CNOT9: variants seen among roughly 807,000 people sequenced by gnomAD.
CNOT9 encodes CCR4-NOT transcription complex subunit 9.
In CNOT9, 8 loss-of-function variants were observed where a neutral mutation model predicts 37.4. That is an observed-to-expected ratio of 0.21 (90% CI 0.13 to 0.39). The LOEUF (loss-of-function observed/expected upper bound fraction) is 0.39, where lower values mean the gene tolerates loss of function less well. Among genes scored for constraint, CNOT9 ranks in the 10% least tolerant of loss-of-function variants. The pLI is 1.00. For synonymous variants in CNOT9, 120 were observed against 137.6 expected, an observed-to-expected ratio of 0.87 and a Z score of 0.90; for missense variants, 154 against 365.3, an observed-to-expected ratio of 0.42 and a Z score of 4.71.
At chr2:218,588,302 T>C (rs1374181187) in intron 5 of CNOT9, among the ~76,000 whole-genome samples, 1 of 151,112 alleles carries the variant, frequency 6.6e-6, no homozygotes, top group Non-Finnish European at 1.5e-5. Context: ...TTTTTTTTTT[T>C]CTCTGAGATG....
In CNOT9 at chr2:218,568,967, G is replaced by C. The variant is rs781199533; in HGVS notation, c.13G>C (p.Ala5Pro). The C allele has an allele frequency of 1.2e-6, 2 of 1,611,180 alleles. No individual in the cohort carries two copies. Among genetic ancestry groups the C allele is most frequent in the South Asian group, 2.2e-5 (2 of 90,740 alleles). MHSL[A>P]TAAPVPTTLA... ...GGCCGCTCACAACATGCACAGCCTG[G>C]CGACGGCTGCGGTGAGTGGCTGGGC... Residue 5 changes from alanine (A) to proline (P), a missense_variant, in exon 1 of 8, where the codon GCG becomes CCG. Ala to Pro is a conservative substitution (Grantham distance 27, BLOSUM62 -1). Around this residue, in one of 2 missense-constraint regions of CNOT9, gnomAD observed 37 missense variants for 39.9 expected, o/e 0.93. Coordinates refer to ENST00000273064, the MANE Select transcript of CNOT9 (RefSeq NM_005444.3).
rs946455476 is a variant in CNOT9 at position 218,596,459 on chromosome 2, T to C, written c.*2183T>C. On this transcript the variant is annotated 3_prime_UTR_variant, in exon 8 of 8. Transcript: ENST00000273064. ...TTTTCCTTTACACTGGAGATTTTATTCTATCAGTATATGGGTAACTAGGCA... is the reference window on the plus strand; with the variant it reads ...TTTTCCTTTACACTGGAGATTTTATCCTATCAGTATATGGGTAACTAGGCA... 4.6e-5 allele frequency: 7 copies of C among 152,212 alleles called. No individual in the cohort carries two copies. Among genetic ancestry groups the C allele is most frequent in the African/African-American group, 1.7e-4 (7 of 41,436 alleles). 9.4% of individuals were successfully genotyped at this position (152,212 alleles called of 1,614,324 possible). A position where few individuals can be genotyped will look rare whatever the true frequency, so the allele number is the denominator to read the frequency against.
At chr2:218,573,249 C>T (rs750915281) in intron 1 of CNOT9, among the ~76,000 whole-genome samples, 4 of 149,048 alleles carry the variant, frequency 2.7e-5, no homozygotes, top group Admixed American at 1.4e-4. Context: ...ACCTGGGAGG[C>T]GCAGGTTATA....
At chr2:218,574,280 G>A (rs532928509) in intron 1 of CNOT9, 36 of 180,614 alleles carry the variant, frequency 2.0e-4, no homozygotes, top group Admixed American at 9.8e-4. Flanking sequence ...ACTTTAGCAG[G>A]TTACAATTAA....
At chr2:218,593,485 G>A (rs1255812149) in intron 7 of CNOT9, 3 of 1,246,058 alleles carry the variant, frequency 2.4e-6, no homozygotes, top group Admixed American at 5.4e-5. Context: ...CTATAACTTT[G>A]TTTAAAATAG....
At chr2:218,570,694 T>A (rs1418732622) in intron 1 of CNOT9, among the ~76,000 whole-genome samples, 1 of 152,236 alleles carries the variant, frequency 6.6e-6, no homozygotes. Flanking sequence ...TTATCTTCGA[T>A]ACTGAGCCAC....
At chr2:218,569,286 T>G (rs1338899175) in intron 1 of CNOT9, among the ~76,000 whole-genome samples, 1 of 152,222 alleles carries the variant, frequency 6.6e-6, no homozygotes, top group South Asian at 2.1e-4. Context: ...GGGCGCCAGT[T>G]GTGTTCTGGG....
intron 5 of CNOT9, among the ~76,000 whole-genome samples, chr2:218,588,324 T>C (rs1694657616): frequency 6.6e-6 from 1 of 151,566 alleles, no homozygotes; most frequent in South Asian, 2.1e-4. Context: ...AGTCTTGCTG[T>C]GTCACCCAGG....
At chr2:218,589,214 A>G (rs1333627630) in intron 5 of CNOT9, 3 of 152,106 alleles carry the variant, frequency 2.0e-5, no homozygotes, top group Admixed American at 6.6e-5. Context: ...TTTTAAATAT[A>G]TATATATGGA....
chr2:218,574,052 C>A, intron 1 of CNOT9: 1 of 431,306 alleles, frequency 2.3e-6, no homozygotes, highest in African/African-American at 2.0e-5. Flanking sequence ...TCACCGCAAC[C>A]TCGACCTTCT....
intron 4 of CNOT9, 42 bp from the exon 5 acceptor site, chr2:218,587,544 C>T (rs906167531): frequency 1.3e-6 from 2 of 1,519,426 alleles, no homozygotes; most frequent in South Asian, 1.3e-5. Flanking sequence ...TAACTGGAAA[C>T]CCTAACTGTA....
chr2:218,593,628 C>T, intron 7 of CNOT9: 1 of 1,423,262 alleles, frequency 7.0e-7, no homozygotes, highest in Non-Finnish European at 9.3e-7. Context: ...TTTCACTGCT[C>T]ATCTCTTATT....
chr2:218,585,070 CTCTCT>C (rs554142256), intron 4 of CNOT9, among the ~76,000 whole-genome samples: 9 of 152,106 alleles, frequency 5.9e-5, no homozygotes, highest in East Asian at 5.8e-4. Flanking sequence ...CTCTTCCCTT[CTCTCT>C]TCTCTTCTCT....
chr2:218,574,307 A>G (rs1396809229), intron 1 of CNOT9: 1 of 162,590 alleles, frequency 6.2e-6, no homozygotes, highest in East Asian at 1.9e-4. Flanking sequence ...ACGGTAATGT[A>G]CTATAGAGCT....
Position 218,592,730 on chromosome 2 carries a change from G to A in CNOT9, c.731+23G>A. 1 of 1,573,514 alleles carries A rather than the reference G, an allele frequency of 6.4e-7. No individual in the cohort carries two copies. Among genetic ancestry groups the A allele is most frequent in the Non-Finnish European group, 8.7e-7 (1 of 1,142,956 alleles). On this transcript the variant is annotated intron_variant, in intron 7 of 7. Coordinates refer to ENST00000273064, the MANE Select transcript of CNOT9 (RefSeq NM_005444.3). The surrounding 1 kb of genome is among the most constrained non-coding windows in gnomAD (Gnocchi z 4.1). ...CAGGTAAACATTTATAGGATGTATA[G>A]GACTTTAGGGAAATACTCTGCTGAA...
Position 218,584,597 on chromosome 2 carries a change from ATTG to A in CNOT9, c.321-12_321-10del. 6.3e-7 allele frequency: 1 copy of A among 1,585,234 alleles called. No homozygotes were observed. The highest frequency in any genetic ancestry group is 8.7e-7 in the Non-Finnish European group (1 of 1,153,710). ...TCAACCCTGGGCTGTGAATGTAATTATTGTTTTCTTCCAGGTCAGCGTTTCTCG... is the reference window on the plus strand; with the variant it reads ...TCAACCCTGGGCTGTGAATGTAATTATTTTCTTCCAGGTCAGCGTTTCTCG... On this transcript the variant is annotated splice_polypyrimidine_tract_variant and intron_variant, in intron 3 of 7. Coordinates refer to ENST00000273064, the MANE Select transcript of CNOT9 (RefSeq NM_005444.3).
intron 1 of CNOT9, among the ~76,000 whole-genome samples, chr2:218,578,639 T>C (rs1157967464): frequency 6.6e-6 from 1 of 152,154 alleles, no homozygotes; most frequent in Non-Finnish European, 1.5e-5. Flanking sequence ...TCTGCAAGTG[T>C]AGATAGCCTT....
At chr2:218,581,712 T>G (rs1559246482) in intron 2 of CNOT9, among the ~76,000 whole-genome samples, 1 of 152,182 alleles carries the variant, frequency 6.6e-6, no homozygotes, top group Non-Finnish European at 1.5e-5. Flanking sequence ...ACATTCCATC[T>G]CTATTGCATT....
At chr2:218,576,745 A>G (rs944225619) in intron 1 of CNOT9, among the ~76,000 whole-genome samples, 1 of 152,192 alleles carries the variant, frequency 6.6e-6, no homozygotes, top group African/African-American at 2.4e-5. Context: ...AGGCAGGCAG[A>G]TCACTTCAGG....
Sources: gnomAD v4.1 joint callset for allele counts (sites outside exome capture counted in the v4.1 genomes callset) on GRCh38, gnomAD v4.1.1 for gene constraint, gnomAD v4.1.1 regional missense constraint, Gnocchi (gnomAD v3.1) non-coding constraint, MANE v1.5 for transcripts, NCBI Gene and HGNC (gene_info 2026-07-23, HGNC 2026-07-21) for gene names.